Variants in SEPTIN14 observed in about 807,000 individuals in gnomAD.
SEPTIN14 encodes septin-14.
SEPTIN14 carries 40 observed loss-of-function variants against 53.6 expected under a neutral mutation model. That is an observed-to-expected ratio of 0.75 (90% CI 0.58 to 0.97). The LOEUF (loss-of-function observed/expected upper bound fraction) is 0.97, where lower values mean the gene tolerates loss of function less well. SEPTIN14 is among the 50% of genes least tolerant of loss of function. SEPTIN14 has a pLI of 0.00. For missense variants in SEPTIN14, 471 were observed against 508.2 expected (o/e 0.93, Z 0.70); for synonymous variants, 138 against 166.8 (o/e 0.83, Z 1.33).
intron 2 of SEPTIN14, among the ~76,000 whole-genome samples, chr7:55,847,924 A>C (rs1789441388): frequency 6.6e-6 from 1 of 152,130 alleles, no homozygotes; most frequent in Admixed American, 6.6e-5. Flanking sequence ...AAAAATGGGA[A>C]TTATACAACC....
chr7:55,806,420 A>C (rs1413629465), intron 8 of SEPTIN14, among the ~76,000 whole-genome samples: 1 of 151,324 alleles, frequency 6.6e-6, no homozygotes, highest in Non-Finnish European at 1.5e-5. Flanking sequence ...TCTTTTGTCA[A>C]ACTTTGCTAA....
At chr7:55,806,550 G>A (rs571535867) in intron 8 of SEPTIN14, among the ~76,000 whole-genome samples, 44 of 149,510 alleles carry the variant, frequency 2.9e-4, no homozygotes, top group Non-Finnish European at 5.5e-4. Context: ...TGCAACCTCC[G>A]CCTCCAGGGT....
chr7:55,843,428 C>T (rs1010524132), intron 4 of SEPTIN14, among the ~76,000 whole-genome samples: 1 of 152,124 alleles, frequency 6.6e-6, no homozygotes, highest in African/African-American at 2.4e-5. Context: ...AACAAATAAT[C>T]CCATTAAAAA....
chr7:55,829,734 T>C (rs1192872618), intron 6 of SEPTIN14, among the ~76,000 whole-genome samples: 1 of 149,198 alleles, frequency 6.7e-6, no homozygotes, highest in Non-Finnish European at 1.5e-5. Flanking sequence ...TTCCAGAGAA[T>C]TGTTTGAACC....
intron 2 of SEPTIN14, 147 bp downstream of exon 2, chr7:55,861,796 A>G (rs1042418177): frequency 3.6e-5 from 18 of 503,640 alleles, no homozygotes; most frequent in Non-Finnish European, 4.4e-5. Flanking sequence ...TAAAACTCCA[A>G]TTAGTATAAA....
At chr7:55,818,725 T>C (rs1009359865) in intron 7 of SEPTIN14, among the ~76,000 whole-genome samples, 7 of 152,218 alleles carry the variant, frequency 4.6e-5, no homozygotes, top group South Asian at 2.1e-4. Context: ...AAATGGTTTC[T>C]ACATTAGGTA....
intron 9 of SEPTIN14, among the ~76,000 whole-genome samples, chr7:55,804,550 C>A (rs143333799): frequency 1.6e-4 from 24 of 152,236 alleles, no homozygotes; most frequent in African/African-American, 5.8e-4. Flanking sequence ...TGAGCCACCG[C>A]ACCCGGCTGG....
intron 2 of SEPTIN14, among the ~76,000 whole-genome samples, chr7:55,851,297 C>T (rs558325874): frequency 6.6e-6 from 1 of 152,036 alleles, no homozygotes; most frequent in Non-Finnish European, 1.5e-5. Flanking sequence ...CCCTATTAGC[C>T]CCTATTCAGT....
At chr7:55,848,202 A>G (rs1189118567) in intron 2 of SEPTIN14, among the ~76,000 whole-genome samples, 1 of 152,146 alleles carries the variant, frequency 6.6e-6, no homozygotes, top group Non-Finnish European at 1.5e-5. Flanking sequence ...TCGGCCTGGG[A>G]GGCAGAGGTT....
rs1562702267 is a variant in SEPTIN14, at chr7:55,793,917, A to G, written c.*1996T>C. On this transcript the variant is annotated 3_prime_UTR_variant, in exon 10 of 10. Coordinates refer to ENST00000388975, the MANE Select transcript of SEPTIN14 (RefSeq NM_207366.3). ...ACTGGCAAAAATCAGTAACTGACGT[A>G]TTAAAACTTTCCATGCTACATAAAT... 2 of 152,164 alleles carry G rather than the reference A, an allele frequency of 1.3e-5. No homozygotes were observed. Among genetic ancestry groups the G allele is most frequent in the Non-Finnish European group, 2.9e-5 (2 of 67,998 alleles). The allele number at this position is 152,164 out of a possible 1,614,324, so 9.4% of individuals were successfully genotyped here.
intron 6 of SEPTIN14, among the ~76,000 whole-genome samples, chr7:55,827,150 T>C (rs1584260986): frequency 1.3e-5 from 2 of 152,188 alleles, no homozygotes; most frequent in Non-Finnish European, 2.9e-5. Context: ...CAGTACACCA[T>C]TGGCACATGA....
chr7:55,826,603 G>A (rs965753658), intron 6 of SEPTIN14, among the ~76,000 whole-genome samples: 13 of 152,146 alleles, frequency 8.5e-5, no homozygotes, highest in Non-Finnish European at 1.6e-4. Context: ...TTCAAGACCA[G>A]CCTGGCCAAC....
At chr7:55,825,301 G>A (rs79878680) in intron 6 of SEPTIN14, among the ~76,000 whole-genome samples, 2,209 of 152,194 alleles carry the variant, frequency 0.015, 62 homozygotes, top group African/African-American at 0.049. Flanking sequence ...AAAAAATTAC[G>A]GAGAGTAAAA....
At chr7:55,801,787 G>T (rs540142637) in intron 9 of SEPTIN14, among the ~76,000 whole-genome samples, 4 of 151,994 alleles carry the variant, frequency 2.6e-5, no homozygotes, top group African/African-American at 7.2e-5. Context: ...CAGGCACGGT[G>T]GTACATGCCT....
At chr7:55,851,714 A>G (rs761967655) in intron 2 of SEPTIN14, among the ~76,000 whole-genome samples, 18 of 152,210 alleles carry the variant, frequency 1.2e-4, no homozygotes, top group Non-Finnish European at 1.9e-4. Context: ...TCTCCACAGA[A>G]ATAGAAAAAA....
chr7:55,832,484 A>G (rs1427183375), intron 6 of SEPTIN14, among the ~76,000 whole-genome samples: 2 of 152,192 alleles, frequency 1.3e-5, no homozygotes, highest in East Asian at 3.8e-4. Flanking sequence ...CATAATAGTA[A>G]AGTCATGGAA....
chr7:55,823,978 C>T (rs1335296140), intron 6 of SEPTIN14, among the ~76,000 whole-genome samples: 1 of 151,704 alleles, frequency 6.6e-6, no homozygotes, highest in Non-Finnish European at 1.5e-5. Flanking sequence ...GCAACCTCTG[C>T]CTCAACAAGG....
chr7:55,833,314 C>CA (rs1294399045), intron 6 of SEPTIN14, among the ~76,000 whole-genome samples: 1,436 of 142,932 alleles, frequency 0.01, 18 homozygotes, highest in African/African-American at 0.033. Context: ...GACTCCGTCT[C>CA]AAAAAAAAAA....
At chr7:55,803,533 A>G (rs2115957012) in intron 9 of SEPTIN14, among the ~76,000 whole-genome samples, 1 of 152,308 alleles carries the variant, frequency 6.6e-6, no homozygotes, top group East Asian at 1.9e-4. Context: ...AAATAGAATA[A>G]CCATATGGTT....
Sources: allele counts gnomAD v4.1 joint callset (sites outside exome capture counted in the v4.1 genomes callset), GRCh38; gene constraint gnomAD v4.1.1; transcripts MANE v1.5; gene names NCBI Gene and HGNC (gene_info 2026-07-23, HGNC 2026-07-21).